Variants in TIAM1 observed in about 807,000 individuals in gnomAD.
TIAM1 encodes rho guanine nucleotide exchange factor TIAM1.
TIAM1 carries 65 observed loss-of-function variants against 163.5 expected under a neutral mutation model. That is an observed-to-expected ratio of 0.40 (90% CI 0.33 to 0.49). The LOEUF (loss-of-function observed/expected upper bound fraction) is 0.49. TIAM1 is among the 20% of genes least tolerant of loss of function. The pLI, the probability that TIAM1 is intolerant of heterozygous loss-of-function variation, is 0.77. For missense variants in TIAM1, 1,789 were observed against 2,044.7 expected, an observed-to-expected ratio of 0.87 and a Z score of 2.41; for synonymous variants, 833 against 810.1, an observed-to-expected ratio of 1.03 and a Z score of -0.48.
chr21:31,210,628 A>G (rs1232562654), intron 10 of TIAM1, among the ~76,000 whole-genome samples: 644 of 20,840 alleles, frequency 0.031, 28 homozygotes, highest in Admixed American at 0.048. Context: ...AAAGAAAGAA[A>G]GAAAGAAAGA....
intron 2 of TIAM1, among the ~76,000 whole-genome samples, chr21:31,390,892 C>G (rs545370982): frequency 3.5e-4 from 53 of 152,266 alleles, no homozygotes; most frequent in Non-Finnish European, 5.9e-4. Flanking sequence ...TTTCCAGGAT[C>G]AAAACCAGAC....
At chr21:31,285,616 T>C (rs971233645) in intron 2 of TIAM1, among the ~76,000 whole-genome samples, 1 of 152,190 alleles carries the variant, frequency 6.6e-6, no homozygotes, top group African/African-American at 2.4e-5. Context: ...TCCCAGCACT[T>C]TGGGGGGCCA....
intron 2 of TIAM1, among the ~76,000 whole-genome samples, chr21:31,457,079 C>T (rs2045133166): frequency 6.6e-6 from 1 of 152,200 alleles, no homozygotes; most frequent in Non-Finnish European, 1.5e-5. Flanking sequence ...CCCCTTTTTA[C>T]TGACTCCCCA....
intron 2 of TIAM1, among the ~76,000 whole-genome samples, chr21:31,367,568 T>A (rs964657254): frequency 2.6e-5 from 4 of 152,158 alleles, no homozygotes; most frequent in Non-Finnish European, 5.9e-5. Context: ...TTGGCAAGAA[T>A]GTTTTTATTC....
intron 2 of TIAM1, among the ~76,000 whole-genome samples, chr21:31,423,078 G>A (rs1179679406): frequency 7.1e-6 from 1 of 141,696 alleles, no homozygotes; most frequent in African/African-American, 2.6e-5. Flanking sequence ...AGAGAACTGT[G>A]AACAGCACTA....
chr21:31,249,018 C>T lies in TIAM1; in HGVS notation c.1411+2724G>A, dbSNP rs1342743257. ...ATTTTATGCCACTAACATTGCTGCT[C>T]TCAAACTGAGAGTGAGAATCCCCTG... On this transcript the variant is annotated intron_variant, in intron 5 of 27. Transcript: ENST00000541036. 8.5e-5 allele frequency among the ~76,000 whole-genome samples: 13 copies of T among 152,304 alleles called. No homozygotes were observed. In the East Asian group the frequency reaches 2.5e-3, roughly 29 times the overall value.
intron 2 of TIAM1, among the ~76,000 whole-genome samples, chr21:31,332,169 G>C (rs845954): frequency 0.16 from 23,716 of 152,036 alleles, 1,984 homozygotes; most frequent in Non-Finnish European, 0.19. Flanking sequence ...GAAAGAAAAG[G>C]AAACAACCAC....
chr21:31,223,406 CA>C lies in TIAM1; in HGVS notation c.1994del (p.Leu665ArgfsTer11). On this transcript the variant is annotated frameshift_variant and splice_region_variant, in exon 8 of 28. Transcript: ENST00000541036. LOFTEE classifies it high-confidence loss of function. Reference protein sequence around the residue: ...GIFSVSSFHALVAARTGETGV... With the variant: ...GIFSVSSFHAXVAARTGETGV... ...CAAAAATTCATTAGCTTCTACTCAC[CA>C]GGGCATGAAACGATGATACCGAAAA... 1 of 1,608,458 alleles carries C rather than the reference CA, an allele frequency of 6.2e-7. No individual in the cohort carries two copies. The highest frequency in any genetic ancestry group is 8.5e-7 in the Non-Finnish European group (1 of 1,176,658).
intron 3 of TIAM1, among the ~76,000 whole-genome samples, chr21:31,271,960 C>T (rs1468773183): frequency 1.3e-5 from 2 of 152,112 alleles, no homozygotes; most frequent in Non-Finnish European, 2.9e-5. Context: ...CCTTTAAATC[C>T]CACCAAATTA....
In TIAM1 at chr21:31,186,668, C is replaced by T. The variant is rs186936454; in HGVS notation, c.2662+333G>A. The stretch of plus-strand genomic sequence containing the variant: ...GTGGCATGCACCTGTACTCCCCTAG[C>T]GACCTGGGGGGCTGAGGTGAGAGGG... On this transcript the variant is annotated intron_variant, in intron 14 of 27. Transcript: ENST00000541036. 2.5e-4 allele frequency among the ~76,000 whole-genome samples: 38 copies of T among 151,928 alleles called. No individual in the cohort carries two copies. The South Asian group carries it at 5.0e-3, about 20-fold the overall frequency.
intron 2 of TIAM1, among the ~76,000 whole-genome samples, chr21:31,415,207 A>G (rs1170697348): frequency 6.6e-6 from 1 of 152,242 alleles, no homozygotes; most frequent in African/African-American, 2.4e-5. Context: ...AGATGTCTCT[A>G]CAAAGTGCTT....
chr21:31,510,216 C>T (rs1056029752), intron 1 of TIAM1, among the ~76,000 whole-genome samples: 1 of 152,222 alleles, frequency 6.6e-6, no homozygotes, highest in African/African-American at 2.4e-5. Flanking sequence ...AAAGGGCCAG[C>T]AGGGTGGTTT....
chr21:31,173,748 A>G (rs752325641), intron 15 of TIAM1, among the ~76,000 whole-genome samples: 4 of 152,220 alleles, frequency 2.6e-5, no homozygotes, highest in Non-Finnish European at 5.9e-5. Flanking sequence ...TTTGTTTCCT[A>G]TAGAAATTTA....
intron 3 of TIAM1, among the ~76,000 whole-genome samples, chr21:31,269,809 C>A (rs1388901995): frequency 1.3e-5 from 2 of 151,736 alleles, no homozygotes; most frequent in African/African-American, 4.8e-5. Context: ...GTAGCTGGGA[C>A]TACAGGCGCC....
chr21:31,279,609 T>A (rs1306204254), intron 2 of TIAM1, among the ~76,000 whole-genome samples: 1 of 152,158 alleles, frequency 6.6e-6, no homozygotes, highest in Non-Finnish European at 1.5e-5. Flanking sequence ...AAATGTCCTA[T>A]CCCTCTAACA....
At chr21:31,243,030 A>G (rs1601677447) in intron 6 of TIAM1, among the ~76,000 whole-genome samples, 1 of 150,286 alleles carries the variant, frequency 6.7e-6, no homozygotes, top group East Asian at 1.9e-4. Flanking sequence ...CTACTAGAAA[A>G]AAAAATACAA....
Position 31,527,224 on chromosome 21 carries a change from CCT to C in TIAM1, c.-422+31701_-422+31702del, listed in dbSNP as rs781558609. 1.4e-4 allele frequency among the ~76,000 whole-genome samples: 21 copies of C among 152,126 alleles called. No homozygotes were observed. In the East Asian group the frequency reaches 1.5e-3, roughly 11 times the overall value. ...GCCTCTGTTAACCCAGCTTCCTCCC[CCT>C]GTCTTAAGCTGAAACTCCTCCGTGG... is the stretch of plus-strand genomic sequence containing the variant. On this transcript the variant is annotated intron_variant, in intron 1 of 28. Coordinates refer to the TIAM1 transcript ENST00000286827.
At chr21:31,428,112 T>C (rs1356995410) in intron 2 of TIAM1, among the ~76,000 whole-genome samples, 1 of 151,604 alleles carries the variant, frequency 6.6e-6, no homozygotes, top group Non-Finnish European at 1.5e-5. Context: ...AAATACAAAA[T>C]TAGCCAGGCC....
intron 2 of TIAM1, among the ~76,000 whole-genome samples, chr21:31,412,130 G>A (rs1470419671): frequency 1.3e-5 from 2 of 152,152 alleles, no homozygotes; most frequent in East Asian, 3.9e-4. Flanking sequence ...CATGTCTTCT[G>A]CAGCAACCTA....
Sources: allele counts gnomAD v4.1 joint callset (sites outside exome capture counted in the v4.1 genomes callset), GRCh38; gene constraint gnomAD v4.1.1; transcripts MANE v1.5; gene names NCBI Gene and HGNC (gene_info 2026-07-23, HGNC 2026-07-21).